The following ME3 variants were observed in gnomAD, a reference collection of about 807,000 sequenced individuals.
ME3 encodes NADP-dependent malic enzyme, mitochondrial.
A neutral mutation model predicts 68.9 loss-of-function variants in ME3; 48 were observed. The ratio of observed to expected loss-of-function variants is 0.70; its 90% CI spans 0.55 to 0.89. ME3 has a LOEUF of 0.89. Ranked by LOEUF, ME3 falls within the 40% of genes least tolerant of loss-of-function variation. The pLI is 0.00. For synonymous variants in ME3, 320 were observed against 318.8 expected (o/e 1.00, Z -0.04); for missense variants, 675 against 797.4 (o/e 0.85, Z 1.85).
At chr11:86,537,080 G>A (rs1164022792) in intron 4 of ME3, among the ~76,000 whole-genome samples, 2 of 143,274 alleles carry the variant, frequency 1.4e-5, no homozygotes, top group East Asian at 4.2e-4. Flanking sequence ...GGTGGGAATT[G>A]AACAATGAGA....
intron 2 of ME3, among the ~76,000 whole-genome samples, chr11:86,574,494 T>C (rs558664904): frequency 6.6e-6 from 1 of 152,062 alleles, no homozygotes; most frequent in South Asian, 2.1e-4. Context: ...GCCCCTCTTC[T>C]GCAGGTCTAC....
At chr11:86,566,505 C>G (rs12786394) in intron 2 of ME3, among the ~76,000 whole-genome samples, 8,965 of 152,248 alleles carry the variant, frequency 0.059, 355 homozygotes, top group Admixed American at 0.084. Flanking sequence ...ATAGGGAGAT[C>G]CAAACCCATA....
chr11:86,500,678 T>C (rs1371722648), intron 5 of ME3, among the ~76,000 whole-genome samples: 1 of 152,246 alleles, frequency 6.6e-6, no homozygotes, highest in Non-Finnish European at 1.5e-5. Context: ...TATCTCCTGC[T>C]ATACATCTGT....
At chr11:86,485,267 C>T (rs1436936777) in intron 7 of ME3, among the ~76,000 whole-genome samples, 1 of 152,158 alleles carries the variant, frequency 6.6e-6, no homozygotes, top group Non-Finnish European at 1.5e-5. Flanking sequence ...GTCTCTGAGT[C>T]TTCTCTCTAC....
chr11:86,558,023 C>T (rs1030300622), intron 3 of ME3, among the ~76,000 whole-genome samples: 3 of 152,156 alleles, frequency 2.0e-5, no homozygotes, highest in Admixed American at 6.5e-5. Flanking sequence ...TGGAAATAAG[C>T]GGGTCAAGGT....
chr11:86,497,726 G>A (rs1250644198), intron 6 of ME3, among the ~76,000 whole-genome samples: 1 of 152,192 alleles, frequency 6.6e-6, no homozygotes, highest in Non-Finnish European at 1.5e-5. Context: ...CCTCATGGAG[G>A]TAGAGGAGCA....
At chr11:86,556,760 C>CT (rs1421129435) in intron 3 of ME3, 58 bp from the exon 4 acceptor site, 10 of 1,573,676 alleles carry the variant, frequency 6.4e-6, no homozygotes, top group Non-Finnish European at 8.7e-6. Context: ...CCTGATGCCT[C>CT]TGTGGTGTGG....
intron 4 of ME3, among the ~76,000 whole-genome samples, chr11:86,524,698 TAAGA>T (rs1954596126): frequency 6.6e-6 from 1 of 152,192 alleles, no homozygotes; most frequent in African/African-American, 2.4e-5. Context: ...TGGAATTTAA[TAAGA>T]GAGAACAGAA....
At chr11:86,651,655 C>G (rs753136905) in intron 2 of ME3, among the ~76,000 whole-genome samples, 1 of 152,200 alleles carries the variant, frequency 6.6e-6, no homozygotes, top group Non-Finnish European at 1.5e-5. Context: ...AAAAACAGAG[C>G]AGAAATGCTG....
At chr11:86,652,717 A>T (rs1416772458) in intron 2 of ME3, among the ~76,000 whole-genome samples, 1 of 152,080 alleles carries the variant, frequency 6.6e-6, no homozygotes, top group Non-Finnish European at 1.5e-5. Context: ...TAACATCATA[A>T]TGACAGGATC....
chr11:86,483,415 G>C (rs954725064), intron 7 of ME3, among the ~76,000 whole-genome samples: 1 of 152,146 alleles, frequency 6.6e-6, no homozygotes, highest in African/African-American at 2.4e-5. Flanking sequence ...GCCAAGGGCT[G>C]TCTGAATTTC....
intron 2 of ME3, among the ~76,000 whole-genome samples, chr11:86,564,852 AT>A (rs1319463329): frequency 1.3e-5 from 2 of 152,184 alleles, no homozygotes; most frequent in Non-Finnish European, 2.9e-5. Context: ...ACTGGACTTC[AT>A]CAAAATAAAA....
At chr11:86,654,420 T>A (rs1430523367) in intron 2 of ME3, among the ~76,000 whole-genome samples, 1 of 152,220 alleles carries the variant, frequency 6.6e-6, no homozygotes, top group Non-Finnish European at 1.5e-5. Flanking sequence ...GCTTCACCCC[T>A]GGGATGCAAG....
Position 86,511,339 on chromosome 11 carries a change from CCTCTT to C in ME3, c.468-2477_468-2473del, listed in dbSNP as rs886463680. 1.3e-4 allele frequency among the ~76,000 whole-genome samples: 20 copies of C among 152,340 alleles called. 1 individual carries two copies. The highest frequency in any genetic ancestry group is 4.3e-4 in the African/African-American group (18 of 41,574). ...CTTCCTTACTTCATCTTGTTCCACT[CCTCTT>C]CTCACTCCACACTCTTCAGCCACAC... On this transcript the variant is annotated intron_variant, in intron 4 of 14. Transcript: ENST00000543262.
chr11:86,510,405 T>C (rs75019313), intron 4 of ME3, among the ~76,000 whole-genome samples: 9 of 152,196 alleles, frequency 5.9e-5, no homozygotes, highest in Non-Finnish European at 1.3e-4. Flanking sequence ...GTCTCTTATG[T>C]TGGGTAAGTC....
At chr11:86,570,478 C>T (rs1202998703) in intron 2 of ME3, among the ~76,000 whole-genome samples, 1 of 152,120 alleles carries the variant, frequency 6.6e-6, no homozygotes, top group Non-Finnish European at 1.5e-5. Context: ...CTGCACTGAA[C>T]CCCAGCTTTA....
chr11:86,632,153 T>C (rs1370495267), intron 2 of ME3, among the ~76,000 whole-genome samples: 1 of 152,248 alleles, frequency 6.6e-6, no homozygotes, highest in East Asian at 1.9e-4. Context: ...CCTGCCTGAC[T>C]CCAACAGCAT....
In ME3 at chr11:86,538,327, C is replaced by G. The variant is rs566861882; in HGVS notation, c.467+18226G>C. On this transcript the variant is annotated intron_variant, in intron 4 of 14. Coordinates refer to ENST00000543262, the Ensembl canonical transcript of ME3. ...GGCCTTAGGCAAGTCTCTGCCTCCT[C>G]TGAACCGCTTGTCTAAGGACAATAA... 7.5e-4 allele frequency among the ~76,000 whole-genome samples: 114 copies of G among 152,280 alleles called. 1 individual carries two copies. The highest frequency in any genetic ancestry group is 2.3e-3 in the African/African-American group (96 of 41,548).
chr11:86,435,361 T>C, the ME3 span: 1 of 152,202 alleles, frequency 6.6e-6, no homozygotes, highest in Non-Finnish European at 1.5e-5. Flanking sequence ...TTTAAAGATA[T>C]GTGAGAGCTA....
Sources: gnomAD v4.1 joint callset for allele counts (sites outside exome capture counted in the v4.1 genomes callset) on GRCh38, gnomAD v4.1.1 for gene constraint, MANE v1.5 for transcripts, NCBI Gene and HGNC (gene_info 2026-07-23, HGNC 2026-07-21) for gene names.